ROCK1: variants seen among roughly 807,000 people sequenced by gnomAD.
ROCK1 encodes Rho associated coiled-coil containing protein kinase 1, also known as rho-associated protein kinase 1.
A neutral mutation model predicts 196.8 loss-of-function variants in ROCK1; 36 were observed. The ratio of observed to expected loss-of-function variants is 0.18; its 90% CI spans 0.14 to 0.24. ROCK1 has a LOEUF of 0.24. Among genes scored for constraint, ROCK1 ranks in the 10% least tolerant of loss-of-function variants. The pLI is 1.00. For synonymous variants in ROCK1, 443 were observed against 515.9 expected (o/e 0.86, Z 1.91); for missense variants, 920 against 1,562.0 (o/e 0.59, Z 6.93).
intron 26 of ROCK1, 126 bp from the exon 27 acceptor site, chr18:20,967,202 C>A (rs1016049689): frequency 4.6e-6 from 3 of 646,260 alleles, no homozygotes; most frequent in Non-Finnish European, 7.8e-6. Context: ...ATGTTTGCTA[C>A]CACAGATTTT....
intron 2 of ROCK1, among the ~76,000 whole-genome samples, chr18:21,052,405 A>G (rs73959780): frequency 0.01 from 1,581 of 152,310 alleles, 31 homozygotes; most frequent in African/African-American, 0.036. Flanking sequence ...AACGAAGCCT[A>G]TTTATTGTAA....
At chr18:21,065,472 T>C (rs1467817539) in intron 2 of ROCK1, among the ~76,000 whole-genome samples, 1 of 152,182 alleles carries the variant, frequency 6.6e-6, no homozygotes, top group Non-Finnish European at 1.5e-5. Context: ...TAGACTAAGA[T>C]TTGTTTGATA....
chr18:21,095,797 A>G (rs1401264709), intron 1 of ROCK1, among the ~76,000 whole-genome samples: 1 of 152,140 alleles, frequency 6.6e-6, no homozygotes, highest in Non-Finnish European at 1.5e-5. Flanking sequence ...CAGGCTAACT[A>G]TAGTCAATAA....
At chr18:21,019,819 T>C (rs1055309057) in intron 12 of ROCK1, among the ~76,000 whole-genome samples, 9 of 150,494 alleles carry the variant, frequency 6.0e-5, no homozygotes, top group Non-Finnish European at 1.2e-4. Context: ...AAAAGAATAC[T>C]GCTTTACTTT....
intron 13 of ROCK1, among the ~76,000 whole-genome samples, chr18:21,014,222 T>C (rs2035844000): frequency 6.6e-6 from 1 of 152,210 alleles, no homozygotes; most frequent in Non-Finnish European, 1.5e-5. Context: ...TGTCTGCAAC[T>C]GTTGATATTT....
chr18:20,994,450 A>G (rs1287815742), intron 16 of ROCK1, among the ~76,000 whole-genome samples: 1 of 152,220 alleles, frequency 6.6e-6, no homozygotes, highest in Non-Finnish European at 1.5e-5. Flanking sequence ...CTTAGCCAAC[A>G]TGGTGAAACC....
At chr18:21,007,654 A>C (rs1161403145) in intron 14 of ROCK1, among the ~76,000 whole-genome samples, 2 of 152,184 alleles carry the variant, frequency 1.3e-5, no homozygotes, top group African/African-American at 2.4e-5. Context: ...AAAACACAAG[A>C]AATTCTGGTT....
intron 1 of ROCK1, among the ~76,000 whole-genome samples, chr18:21,092,716 C>G (rs2036581707): frequency 6.7e-6 from 1 of 149,608 alleles, no homozygotes; most frequent in Non-Finnish European, 1.5e-5. Flanking sequence ...AAATGGGAAA[C>G]AAGACTTTTT....
chr18:21,084,198 T>C (rs753432365), intron 1 of ROCK1, among the ~76,000 whole-genome samples: 18 of 151,778 alleles, frequency 1.2e-4, no homozygotes, highest in Admixed American at 3.3e-4. Context: ...AGGGGGAAGC[T>C]TCAGGACATT....
chr18:20,971,412 T>C (rs192752606), intron 22 of ROCK1, among the ~76,000 whole-genome samples: 74 of 151,548 alleles, frequency 4.9e-4, no homozygotes, highest in Non-Finnish European at 5.9e-4. Context: ...TACTACACTA[T>C]GTTTACTATG....
chr18:21,096,245 G>A (rs1464345516), intron 1 of ROCK1, among the ~76,000 whole-genome samples: 2 of 151,600 alleles, frequency 1.3e-5, no homozygotes, highest in Non-Finnish European at 2.9e-5. Flanking sequence ...TGTCACACAG[G>A]CTGAAGTGCA....
At chr18:20,959,103 TTATA>T (rs1281407137) in intron 29 of ROCK1, among the ~76,000 whole-genome samples, 5 of 17,548 alleles carry the variant, frequency 2.8e-4, no homozygotes, top group African/African-American at 1.4e-3. Context: ...AATATATATA[TTATA>T]TATATATTAT....
intron 11 of ROCK1, among the ~76,000 whole-genome samples, chr18:21,023,249 T>C (rs2035929253): frequency 6.6e-6 from 1 of 152,212 alleles, no homozygotes; most frequent in African/African-American, 2.4e-5. Context: ...GTAAATTTCA[T>C]GTTACGTATA....
chr18:20,963,604 A>G (rs2035346653), intron 27 of ROCK1, among the ~76,000 whole-genome samples: 1 of 152,120 alleles, frequency 6.6e-6, no homozygotes, highest in Non-Finnish European at 1.5e-5. Context: ...CAAATAATCC[A>G]TAAGAGATAA....
chr18:21,066,798 A>C (rs540121884), intron 2 of ROCK1, among the ~76,000 whole-genome samples: 1 of 152,342 alleles, frequency 6.6e-6, no homozygotes, highest in East Asian at 1.9e-4. Flanking sequence ...ATATCCCACT[A>C]TGTGGTTGTA....
intron 2 of ROCK1, among the ~76,000 whole-genome samples, chr18:21,064,122 A>G (rs1412136356): frequency 2.6e-5 from 4 of 152,070 alleles, no homozygotes; most frequent in African/African-American, 9.7e-5. Flanking sequence ...TTAATATCCA[A>G]CCCATTAACC....
rs539654045 is a variant in ROCK1, at chr18:21,083,563, G to A, written c.94-12950C>T. 2.6e-5 allele frequency among the ~76,000 whole-genome samples: 4 copies of A among 152,268 alleles called. No individual in the cohort carries two copies. The East Asian group carries it at 7.7e-4, about 29-fold the overall frequency. On this transcript the variant is annotated intron_variant, in intron 1 of 32. Coordinates refer to ENST00000399799, the MANE Select transcript of ROCK1 (RefSeq NM_005406.3). ...ACCTCTGCTACCCATGAAACAGCAA[G>A]ACCAACTCCTCCTTTTCCTTCTACT... is the stretch of plus-strand genomic sequence containing the variant.
intron 1 of ROCK1, among the ~76,000 whole-genome samples, chr18:21,080,964 A>G (rs2036477671): frequency 6.6e-6 from 1 of 152,168 alleles, no homozygotes; most frequent in African/African-American, 2.4e-5. Flanking sequence ...ACCAGACAGA[A>G]GATTAATAAA....
intron 18 of ROCK1, among the ~76,000 whole-genome samples, chr18:20,990,130 C>A (rs1377897237): frequency 2.6e-5 from 4 of 151,926 alleles, no homozygotes; most frequent in Non-Finnish European, 5.9e-5. Context: ...ACTCAGGTTG[C>A]AGATAATGCA....
Sources: gnomAD v4.1 joint callset for allele counts (sites outside exome capture counted in the v4.1 genomes callset) on GRCh38, gnomAD v4.1.1 for gene constraint, MANE v1.5 for transcripts, NCBI Gene and HGNC (gene_info 2026-07-23, HGNC 2026-07-21) for gene names.